Variants in KCTD16 observed in about 807,000 individuals in gnomAD.
The protein encoded by KCTD16 is potassium channel tetramerization domain containing 16, also known as BTB/POZ domain-containing protein KCTD16.
In KCTD16, 13 loss-of-function variants were observed where a neutral mutation model predicts 33.2. The observed-to-expected ratio is 0.39, with a 90% CI of 0.25 to 0.62. KCTD16 has a LOEUF of 0.62. Among genes scored for constraint, KCTD16 ranks in the 20% least tolerant of loss-of-function variants. The pLI is 0.50. For missense variants in KCTD16, 441 were observed against 525.1 expected, an observed-to-expected ratio of 0.84 and a Z score of 1.57; for synonymous variants, 197 against 195.3, an observed-to-expected ratio of 1.01 and a Z score of -0.07.
chr5:144,286,029 A>G lies in KCTD16; in HGVS notation c.832+78483A>G, dbSNP rs151206949. 9.8e-3 allele frequency among the ~76,000 whole-genome samples: 1,469 copies of G among 150,122 alleles called. 22 individuals are homozygous for G. Among genetic ancestry groups the G allele is most frequent in the African/African-American group, 0.034 (1,379 of 40,728 alleles). ...ATATCATCATGATATTTTTGGCAGG[A>G]AAGTTTTTTATTTTGTTTTCAATCA... On this transcript the variant is annotated intron_variant, in intron 3 of 3. Coordinates refer to ENST00000512467, the MANE Select transcript of KCTD16 (RefSeq NM_020768.4).
At chr5:144,390,602 T>C (rs1482403065) in intron 3 of KCTD16, among the ~76,000 whole-genome samples, 1 of 152,098 alleles carries the variant, frequency 6.6e-6, no homozygotes, top group African/African-American at 2.4e-5. Context: ...TAGGTATACA[T>C]GTGCCATGGT....
intron 3 of KCTD16, among the ~76,000 whole-genome samples, chr5:144,433,468 C>G (rs1346356057): frequency 6.6e-6 from 1 of 152,068 alleles, no homozygotes; most frequent in Non-Finnish European, 1.5e-5. Flanking sequence ...AACTGTAACT[C>G]TAGATTTTCA....
chr5:144,184,915 T>C (rs1752694920), intron 2 of KCTD16, among the ~76,000 whole-genome samples: 1 of 152,234 alleles, frequency 6.6e-6, no homozygotes. Flanking sequence ...AGCAACATGG[T>C]AAGAGCCATT....
chr5:144,215,197 T>C (rs1306006962), intron 3 of KCTD16, among the ~76,000 whole-genome samples: 1 of 152,208 alleles, frequency 6.6e-6, no homozygotes, highest in Non-Finnish European at 1.5e-5. Flanking sequence ...TCTAGGGAAC[T>C]GAGAAAAACA....
intron 3 of KCTD16, among the ~76,000 whole-genome samples, chr5:144,276,351 A>G (rs1580838585): frequency 6.6e-6 from 1 of 152,292 alleles, no homozygotes; most frequent in East Asian, 1.9e-4. Flanking sequence ...TATTATATTC[A>G]CAGTTTATTC....
intron 3 of KCTD16, among the ~76,000 whole-genome samples, chr5:144,430,037 C>T (rs1372395122): frequency 6.6e-6 from 1 of 152,054 alleles, no homozygotes; most frequent in East Asian, 1.9e-4. Context: ...GAATTATAGT[C>T]ATGGGAAAAG....
At chr5:144,427,217 T>C (rs1018896635) in intron 3 of KCTD16, among the ~76,000 whole-genome samples, 4 of 149,204 alleles carry the variant, frequency 2.7e-5, no homozygotes, top group African/African-American at 9.8e-5. Context: ...GGAATAAACT[T>C]CCAGCTTAAA....
intron 3 of KCTD16, among the ~76,000 whole-genome samples, chr5:144,424,356 A>G (rs1338481595): frequency 6.6e-6 from 1 of 152,198 alleles, no homozygotes; most frequent in Non-Finnish European, 1.5e-5. Flanking sequence ...TGCATTGACT[A>G]GGATATCCCT....
In KCTD16 at chr5:144,206,629, T is replaced by C; in HGVS notation, c.-86T>C. Reference sequence around the variant, plus strand: ...TAATAAGTTAGCATCCTTTTCCCTTTCTTACAAGTTGATCCAAAGGATAAG... The same window carrying C: ...TAATAAGTTAGCATCCTTTTCCCTTCCTTACAAGTTGATCCAAAGGATAAG... On this transcript the variant is annotated 5_prime_UTR_variant, in exon 3 of 4. Coordinates refer to ENST00000512467, the MANE Select transcript of KCTD16 (RefSeq NM_020768.4). The C allele has an allele frequency of 3.5e-6, 4 of 1,157,180 alleles. No individual in the cohort carries two copies. The South Asian group carries it at 4.5e-5, about 13-fold the overall frequency. The allele number at this position is 1,157,180 out of a possible 1,614,324, so 71.7% of individuals were successfully genotyped here.
At chr5:144,408,724 A>C (rs1334501791) in intron 3 of KCTD16, among the ~76,000 whole-genome samples, 2 of 152,144 alleles carry the variant, frequency 1.3e-5, no homozygotes, top group Non-Finnish European at 2.9e-5. Context: ...GCTCTTTGAG[A>C]TATCGCTCCT....
chr5:144,380,385 G>T (rs1752187175), intron 3 of KCTD16, among the ~76,000 whole-genome samples: 1 of 152,034 alleles, frequency 6.6e-6, no homozygotes, highest in South Asian at 2.1e-4. Context: ...TGGATAAGAA[G>T]AATCAATATT....
intron 3 of KCTD16, among the ~76,000 whole-genome samples, chr5:144,450,528 C>T (rs1753917706): frequency 6.6e-6 from 1 of 151,836 alleles, no homozygotes; most frequent in Admixed American, 6.6e-5. Context: ...TCACAATATT[C>T]AAGATATGGA....
intron 3 of KCTD16, among the ~76,000 whole-genome samples, chr5:144,218,069 C>T (rs1223337876): frequency 6.6e-6 from 1 of 152,182 alleles, no homozygotes; most frequent in African/African-American, 2.4e-5. Flanking sequence ...CCACCACATG[C>T]AGTGGTGGGC....
At chr5:144,232,559 G>C (rs938258279) in intron 3 of KCTD16, among the ~76,000 whole-genome samples, 2 of 152,160 alleles carry the variant, frequency 1.3e-5, no homozygotes, top group African/African-American at 4.8e-5. Context: ...AGAAGGCCAA[G>C]CTATCAAATC....
intron 2 of KCTD16, among the ~76,000 whole-genome samples, chr5:144,196,292 C>T (rs1164828427): frequency 1.3e-5 from 2 of 151,976 alleles, no homozygotes; most frequent in Admixed American, 1.3e-4. Context: ...TTGTGAAGCA[C>T]TTTTATTATT....
chr5:144,356,416 G>GT (rs1024782614), intron 3 of KCTD16, among the ~76,000 whole-genome samples: 7 of 151,840 alleles, frequency 4.6e-5, no homozygotes, highest in South Asian at 2.1e-4. Flanking sequence ...ATGGTCTTCA[G>GT]TTTTTTTTCA....
chr5:144,294,515 A>AT (rs1755984061), intron 3 of KCTD16, among the ~76,000 whole-genome samples: 1 of 151,068 alleles, frequency 6.6e-6, no homozygotes, highest in African/African-American at 2.4e-5. Flanking sequence ...TGTGGGAGAG[A>AT]TTTTTTCTGT....
At chr5:144,447,038 C>T (rs1212633937) in intron 3 of KCTD16, among the ~76,000 whole-genome samples, 1 of 151,980 alleles carries the variant, frequency 6.6e-6, no homozygotes, top group Non-Finnish European at 1.5e-5. Context: ...ACCATCTGAC[C>T]CAGCAATCCC....
At chr5:144,219,966 T>A (rs1362759139) in intron 3 of KCTD16, among the ~76,000 whole-genome samples, 1 of 152,200 alleles carries the variant, frequency 6.6e-6, no homozygotes, top group Admixed American at 6.5e-5. Context: ...GCACTGTTAC[T>A]ACACATACTT....
Sources: allele counts gnomAD v4.1 joint callset (sites outside exome capture counted in the v4.1 genomes callset), GRCh38; gene constraint gnomAD v4.1.1; transcripts MANE v1.5; gene names NCBI Gene and HGNC (gene_info 2026-07-23, HGNC 2026-07-21).